The following UNC13C variants were observed in gnomAD, a reference collection of about 807,000 sequenced individuals.
UNC13C encodes unc-13 homolog C.
A neutral mutation model predicts 245.4 loss-of-function variants in UNC13C; 174 were observed. The observed-to-expected ratio is 0.71, with a 90% confidence interval of 0.63 to 0.80. The LOEUF is 0.80. Ranked by LOEUF, UNC13C falls within the 30% of genes least tolerant of loss-of-function variation. The pLI is 0.00. For synonymous variants in UNC13C, 992 were observed against 895.1 expected (o/e 1.11, Z -1.93); for missense variants, 2,829 against 2,602.9 (o/e 1.09, Z -1.89).
chr15:54,137,018 G>A (rs993590637), intron 2 of UNC13C, among the ~76,000 whole-genome samples: 3 of 151,974 alleles, frequency 2.0e-5, no homozygotes, highest in Admixed American at 6.6e-5. Context: ...TGTATTTTTA[G>A]TAGAGATAGT....
At chr15:54,530,200 CA>C (rs999746468) in intron 25 of UNC13C, among the ~76,000 whole-genome samples, 2 of 152,122 alleles carry the variant, frequency 1.3e-5, no homozygotes, top group Non-Finnish European at 2.9e-5. Context: ...TTAAGGTATA[CA>C]ACTTTGTTTT....
At chr15:53,854,373 C>G in the UNC13C span, among the ~76,000 whole-genome samples, 1 of 151,762 alleles carries the variant, frequency 6.6e-6, no homozygotes, top group Non-Finnish European at 1.5e-5. Context: ...CCTGCCTTAG[C>G]CTCCCAAAGT....
At chr15:54,294,173 C>A in intron 11 of UNC13C, 109 bp downstream of exon 11, 1 of 962,594 alleles carries the variant, frequency 1.0e-6, no homozygotes, top group Non-Finnish European at 1.4e-6. Context: ...CTTTCCAGGA[C>A]ATTCTGTTGA....
rs373402455 is a variant in UNC13C at position 54,157,899 on chromosome 15, G to A, written c.3071+14215G>A. Among the ~76,000 whole-genome samples, 111 of 152,308 alleles carry A rather than the reference G, an allele frequency of 7.3e-4. 1 individual carries two copies. The highest frequency in any genetic ancestry group is 2.6e-3 in the African/African-American group (110 of 41,566). ...TGCTGGGAAAACTGGCTAGCCATAT[G>A]TAGAAAGAGAATTAAATATATTTCT... On this transcript the variant is annotated intron_variant, in intron 4 of 32. Transcript: ENST00000260323.
chr15:54,269,738 T>A (rs1274516240), intron 10 of UNC13C, among the ~76,000 whole-genome samples: 1 of 152,170 alleles, frequency 6.6e-6, no homozygotes, highest in African/African-American at 2.4e-5. Flanking sequence ...ACCATTAAAC[T>A]ATGAATTATC....
intron 17 of UNC13C, among the ~76,000 whole-genome samples, chr15:54,354,814 G>C (rs1014385554): frequency 6.6e-6 from 1 of 152,172 alleles, no homozygotes; most frequent in Non-Finnish European, 1.5e-5. Context: ...TATGGGAATA[G>C]TTACTTGCTA....
chr15:53,878,552 A>G, the UNC13C span, among the ~76,000 whole-genome samples: 17 of 152,178 alleles, frequency 1.1e-4, no homozygotes, highest in African/African-American at 3.4e-4. Context: ...CTGGGGTTCC[A>G]TTTAGCCAGC....
In UNC13C at chr15:54,038,124, A is replaced by ATTTTTT. The variant is rs58063301; in HGVS notation, c.2983+22249_2983+22254dup. ...CATATATATATATATATATATATAT[A>ATTTTTT]TTTTTTTTTTTTTTTTCCTGAGACA... is the stretch of plus-strand genomic sequence containing the variant. On this transcript the variant is annotated intron_variant, in intron 2 of 32. Transcript: ENST00000260323. 1.8e-4 allele frequency among the ~76,000 whole-genome samples: 8 copies of ATTTTTT among 45,032 alleles called. 1 individual carries two copies. In the East Asian group the frequency reaches 4.3e-3, roughly 24 times the overall value. 29.5% of individuals were successfully genotyped at this position (45,032 alleles called of 152,430 possible).
intron 4 of UNC13C, among the ~76,000 whole-genome samples, chr15:54,172,721 T>TAAATATATATATATAA (rs1567067083): frequency 4.8e-5 from 1 of 20,696 alleles, no homozygotes; most frequent in Non-Finnish European, 1.0e-4. Flanking sequence ...TATATATATA[T>TAAATATATATATATAA]ATATATATAT....
chr15:53,867,409 C>T, the UNC13C span, among the ~76,000 whole-genome samples: 214 of 152,314 alleles, frequency 1.4e-3, 1 homozygote, highest in Non-Finnish European at 2.5e-3. Flanking sequence ...TTAAGCCCTT[C>T]TTAGGGAGGC....
chr15:54,389,036 CT>C (rs2039897492), intron 17 of UNC13C, among the ~76,000 whole-genome samples: 1 of 152,122 alleles, frequency 6.6e-6, no homozygotes, highest in Non-Finnish European at 1.5e-5. Context: ...TGTTTAAAAT[CT>C]TTTAAATGGT....
intron 2 of UNC13C, chr15:54,050,510 T>C: frequency 2.0e-6 from 1 of 512,234 alleles, no homozygotes; most frequent in South Asian, 1.5e-5. Flanking sequence ...CCTTCTCCAA[T>C]TGTAACTAAT....
chr15:54,210,820 G>T (rs1476795395), intron 4 of UNC13C, among the ~76,000 whole-genome samples: 1 of 152,100 alleles, frequency 6.6e-6, no homozygotes, highest in Non-Finnish European at 1.5e-5. Flanking sequence ...GGTTTCCCTT[G>T]TCCCAGTTCC....
At chr15:54,075,373 C>CA (rs765096347) in intron 2 of UNC13C, among the ~76,000 whole-genome samples, 3 of 151,574 alleles carry the variant, frequency 2.0e-5, no homozygotes, top group Non-Finnish European at 4.4e-5. Flanking sequence ...TAGTTCCAGC[C>CA]ACTCGGGAGG....
At chr15:54,394,539 T>A (rs1413086640) in intron 18 of UNC13C, among the ~76,000 whole-genome samples, 1 of 151,834 alleles carries the variant, frequency 6.6e-6, no homozygotes, top group African/African-American at 2.4e-5. Context: ...GTTTTCTTAT[T>A]TACTCTTTGG....
chr15:54,326,310 G>A (rs1419471940), intron 14 of UNC13C, among the ~76,000 whole-genome samples: 1 of 151,858 alleles, frequency 6.6e-6, no homozygotes, highest in African/African-American at 2.4e-5. Flanking sequence ...CTACTGAGGG[G>A]AATACAAAAA....
At chr15:54,503,011 G>T (rs1051831716) in intron 22 of UNC13C, among the ~76,000 whole-genome samples, 6 of 151,498 alleles carry the variant, frequency 4.0e-5, no homozygotes, top group African/African-American at 1.2e-4. Flanking sequence ...AGTATAAAAG[G>T]GTGGGAGGTC....
chr15:54,021,850 AGT>A (rs2141004809), intron 2 of UNC13C, among the ~76,000 whole-genome samples: 1 of 152,314 alleles, frequency 6.6e-6, no homozygotes, highest in East Asian at 1.9e-4. Context: ...AACCTTTACC[AGT>A]GTGTTACAAT....
intron 17 of UNC13C, among the ~76,000 whole-genome samples, chr15:54,359,772 ATTG>A (rs1234284060): frequency 4.6e-5 from 7 of 151,266 alleles, no homozygotes; most frequent in East Asian, 1.9e-4. Context: ...AAGGTTTATA[ATTG>A]TTGTTTATTT....
Sources: gnomAD v4.1 joint callset for allele counts (sites outside exome capture counted in the v4.1 genomes callset) on GRCh38, gnomAD v4.1.1 for gene constraint, MANE v1.5 for transcripts, NCBI Gene and HGNC (gene_info 2026-07-23, HGNC 2026-07-21) for gene names.